Variants in CKAP5 observed in about 807,000 individuals in gnomAD.
The protein encoded by CKAP5 is cytoskeleton associated protein 5.
A neutral mutation model predicts 232.8 loss-of-function variants in CKAP5; 27 were observed. The observed-to-expected ratio is 0.12, with a 90% CI of 0.09 to 0.16. CKAP5 has a LOEUF of 0.16. Among genes scored for constraint, CKAP5 ranks in the 10% least tolerant of loss-of-function variants. CKAP5 has a pLI of 1.00. For missense variants in CKAP5, 1,838 were observed against 2,424.7 expected (o/e 0.76, Z 5.08); for synonymous variants, 785 against 841.1 (o/e 0.93, Z 1.16).
rs376393422 is a variant in CKAP5 at position 46,744,201 on chromosome 11, G to T, written c.5921C>A (p.Ser1974Tyr). ...SKPAVPTVAS[S>Y]TDMLHSKLSQ... ...GAGTTTGCTGTGGAGCATGTCTGTGGAAGAGGCGACAGTAGGAACTGCTGG... is the reference window on the plus strand; with the variant it reads ...GAGTTTGCTGTGGAGCATGTCTGTGTAAGAGGCGACAGTAGGAACTGCTGG... Residue 1974 changes from serine (S) to tyrosine (Y), a missense_variant, in exon 44 of 44, where the codon TCC (serine) becomes TAC (tyrosine). Ser to Tyr is a moderately radical substitution (Grantham distance 144, BLOSUM62 -2). Coordinates refer to ENST00000529230, the MANE Select transcript of CKAP5 (RefSeq NM_001008938.4). The T allele has an allele frequency of 1.2e-6, 2 of 1,614,182 alleles. No homozygotes were observed. The highest frequency in any genetic ancestry group is 2.2e-5 in the East Asian group (1 of 44,880).
At chr11:46,809,553 T>G in intron 6 of CKAP5, 53 bp from the exon 7 acceptor site, 2 of 1,419,612 alleles carry the variant, frequency 1.4e-6, no homozygotes, top group South Asian at 2.4e-5. Flanking sequence ...TTGTTTTACT[T>G]ATCAGTTATC....
chr11:46,772,446 A>G (rs1355029212), intron 24 of CKAP5, among the ~76,000 whole-genome samples: 3 of 152,214 alleles, frequency 2.0e-5, no homozygotes, highest in Admixed American at 2.0e-4. Context: ...TTTCAAATTT[A>G]AGTCCATAAT....
At chr11:46,745,515 C>G (rs920592905) in intron 42 of CKAP5, among the ~76,000 whole-genome samples, 1 of 152,156 alleles carries the variant, frequency 6.6e-6, no homozygotes, top group African/African-American at 2.4e-5. Flanking sequence ...GTTGAACATC[C>G]CCAAAAAGGG....
chr11:46,830,359 T>C (rs931590892), intron 1 of CKAP5, among the ~76,000 whole-genome samples: 1 of 138,172 alleles, frequency 7.2e-6, no homozygotes, highest in South Asian at 2.2e-4. Flanking sequence ...GAGAATGGCA[T>C]GAACCTGGGA....
intron 24 of CKAP5, among the ~76,000 whole-genome samples, chr11:46,775,812 G>A (rs2134615266): frequency 6.6e-6 from 1 of 152,106 alleles, no homozygotes; most frequent in South Asian, 2.1e-4. Flanking sequence ...TCACACAGTG[G>A]GGCCTGTCGG....
intron 26 of CKAP5, among the ~76,000 whole-genome samples, 155 bp downstream of exon 26, chr11:46,769,808 G>A (rs1187058868): frequency 1.1e-4 from 16 of 152,180 alleles, no homozygotes. Context: ...TTGACTACTT[G>A]ACAAGTGTTT....
rs1449028006 is a variant in CKAP5 at position 46,749,033 on chromosome 11, T to G, written c.5704+1241A>C. The stretch of plus-strand genomic sequence containing the variant: ...TTTTAGTAGAGACGGGGTTTCACCA[T>G]ATTGGCCAGGCTAGTCTTGAACTCC... On this transcript the variant is annotated intron_variant, in intron 42 of 43. Transcript: ENST00000529230. Among the ~76,000 whole-genome samples, 3 of 149,322 alleles carry G rather than the reference T, an allele frequency of 2.0e-5. No individual in the cohort carries two copies. In the Admixed American group the frequency reaches 2.0e-4, roughly 10 times the overall value.
chr11:46,835,778 T>C (rs1022464063), intron 1 of CKAP5, among the ~76,000 whole-genome samples: 1 of 152,174 alleles, frequency 6.6e-6, no homozygotes, highest in Non-Finnish European at 1.5e-5. Flanking sequence ...CTTCACCCAC[T>C]TTGGGGGTGG....
chr11:46,801,476 C>T (rs536148522), intron 8 of CKAP5, among the ~76,000 whole-genome samples, 172 bp from the exon 9 acceptor site: 14 of 152,258 alleles, frequency 9.2e-5, no homozygotes, highest in Admixed American at 2.0e-4. Flanking sequence ...TTGAGATCAG[C>T]CTGACCAACA....
Position 46,795,630 on chromosome 11 carries a change from G to C in CKAP5, c.1614C>G (p.Pro538=). ...GTGCCTTTTTTAGAGGTCCTGGTTT[G>C]GGTGCAGAAATGTCCTTTGTGTCCT... ...GDKDTKDISA[P]KPGPLKKAPA... The change falls in exon 13 of 44, where the codon CCC becomes CCG. Residue 538 remains proline (P), a synonymous_variant. Coordinates refer to ENST00000529230, the MANE Select transcript of CKAP5 (RefSeq NM_001008938.4). The C allele has an allele frequency of 6.2e-7, 1 of 1,613,880 alleles. No homozygotes were observed. The highest frequency in any genetic ancestry group is 8.5e-7 in the Non-Finnish European group (1 of 1,179,896).
At chr11:46,752,187 T>TACACAC (rs1235472492) in intron 38 of CKAP5, among the ~76,000 whole-genome samples, 9 of 67,878 alleles carry the variant, frequency 1.3e-4, no homozygotes, top group African/African-American at 3.6e-4. Context: ...TATATATATA[T>TACACAC]ATATATACAC....
At chr11:46,760,575 T>C (rs371355657) in intron 33 of CKAP5, 37 bp downstream of exon 33, 32 of 1,602,994 alleles carry the variant, frequency 2.0e-5, no homozygotes, top group Non-Finnish European at 2.5e-5. Context: ...GCAAAGGCCA[T>C]GGAGATGCTC....
At chr11:46,788,893 G>T in intron 15 of CKAP5, 120 bp from the exon 16 acceptor site, 1 of 678,774 alleles carries the variant, frequency 1.5e-6, no homozygotes, top group Non-Finnish European at 2.6e-6. Context: ...GAACTGAGGA[G>T]GGTTATTGAG....
chr11:46,797,684 T>C, intron 11 of CKAP5, 121 bp downstream of exon 11: 1 of 960,850 alleles, frequency 1.0e-6, no homozygotes. Context: ...GCAAAGGCTC[T>C]GCTCCTCAAA....
chr11:46,778,639 T>C lies in CKAP5; in HGVS notation c.2434-40A>G, dbSNP rs1316573440. 6 of 1,582,780 alleles carry C rather than the reference T, an allele frequency of 3.8e-6. No individual in the cohort carries two copies. In the African/African-American group the frequency reaches 6.7e-5, roughly 18 times the overall value. On this transcript the variant is annotated intron_variant, in intron 20 of 43. Transcript: ENST00000529230. Reference sequence around the variant, plus strand: ...ATGAGTAAGGCTAATGAAATTTATATAGGATATGGGAACAAACAAATTAGA... The same window carrying C: ...ATGAGTAAGGCTAATGAAATTTATACAGGATATGGGAACAAACAAATTAGA...
chr11:46,788,672 T>G lies in CKAP5; in HGVS notation c.1968+9A>C, dbSNP rs745987159. 1 of 1,523,944 alleles carries G rather than the reference T, an allele frequency of 6.6e-7. No individual in the cohort carries two copies. Among genetic ancestry groups the G allele is most frequent in the Non-Finnish European group, 9.1e-7 (1 of 1,098,644 alleles). 94.4% of individuals were successfully genotyped at this position (1,523,944 alleles called of 1,614,324 possible). A position where few individuals can be genotyped will look rare whatever the true frequency, so the allele number is the denominator to read the frequency against. ...AATAAAAGACATCAAATCTCACATT[T>G]TAAAATACCTGAAAATTAGTTTCTT... is the stretch of plus-strand genomic sequence containing the variant. On this transcript the variant is annotated intron_variant, in intron 16 of 43. Transcript: ENST00000529230.
At chr11:46,761,170 G>C (rs762124300) in intron 32 of CKAP5, among the ~76,000 whole-genome samples, 29 of 150,530 alleles carry the variant, frequency 1.9e-4, no homozygotes, top group Non-Finnish European at 3.8e-4. Context: ...GATCACTTGA[G>C]CCTGGGAGGT....
intron 23 of CKAP5, 47 bp downstream of exon 23, chr11:46,777,392 G>T: frequency 8.6e-7 from 1 of 1,168,348 alleles, no homozygotes; most frequent in South Asian, 1.2e-5. Flanking sequence ...CAAAAATATG[G>T]CTGGCCTATT....
rs1316784863 is a variant in CKAP5, at chr11:46,846,019, G to A, written c.-38+201C>T. Among the ~76,000 whole-genome samples, 24 of 150,116 alleles carry A rather than the reference G, an allele frequency of 1.6e-4. 1 individual carries two copies. In the East Asian group the frequency reaches 2.8e-3, roughly 17 times the overall value. On this transcript the variant is annotated intron_variant, in intron 1 of 43. Coordinates refer to ENST00000529230, the MANE Select transcript of CKAP5 (RefSeq NM_001008938.4). ...CCCAACCCCGGCCTCCGCCGCACAC[G>A]AGCGCCCACGCCCCCGGCCCTGCCC...
Sources: gnomAD v4.1 joint callset for allele counts (sites outside exome capture counted in the v4.1 genomes callset) on GRCh38, gnomAD v4.1.1 for gene constraint, MANE v1.5 for transcripts, NCBI Gene and HGNC (gene_info 2026-07-23, HGNC 2026-07-21) for gene names.